BCL7A: variants seen among roughly 807,000 people sequenced by gnomAD.
The protein encoded by BCL7A is BAF chromatin remodeling complex subunit BCL7A, also known as B-cell CLL/lymphoma 7 protein family member A.
Under a neutral mutation model 28.4 loss-of-function variants are expected in BCL7A, and 11 were observed. The ratio of observed to expected loss-of-function variants is 0.39; its 90% CI spans 0.24 to 0.64. BCL7A has a LOEUF of 0.64. BCL7A is among the 30% of genes least tolerant of loss of function. The pLI, the probability that BCL7A is intolerant of heterozygous loss-of-function variation, is 0.50. For missense variants in BCL7A, 222 were observed against 274.8 expected (o/e 0.81, Z 1.36); for synonymous variants, 123 against 103.3 (o/e 1.19, Z -1.15).
chr12:122,037,816 G>A (rs1365065884), intron 3 of BCL7A, among the ~76,000 whole-genome samples: 4 of 152,202 alleles, frequency 2.6e-5, no homozygotes, highest in South Asian at 2.1e-4. Flanking sequence ...AGGCGTGGGG[G>A]CGCGTGCCTG....
intron 4 of BCL7A, among the ~76,000 whole-genome samples, chr12:122,045,526 A>G (rs1884057103): frequency 6.6e-6 from 1 of 152,080 alleles, no homozygotes; most frequent in Non-Finnish European, 1.5e-5. Flanking sequence ...GATCTGAAGG[A>G]TTAAGAACAG....
chr12:122,045,838 C>T (rs935621899), intron 4 of BCL7A, among the ~76,000 whole-genome samples: 2 of 151,880 alleles, frequency 1.3e-5, no homozygotes, highest in East Asian at 3.9e-4. Flanking sequence ...CTTATAATCT[C>T]AGCACTTTGG....
intron 1 of BCL7A, among the ~76,000 whole-genome samples, chr12:122,023,858 A>G (rs1287619532): frequency 2.0e-5 from 3 of 152,298 alleles, no homozygotes; most frequent in Admixed American, 6.5e-5. Flanking sequence ...CTGTGCAAAG[A>G]AAGAACTGGT....
chr12:122,037,082 T>C (rs1883871487), intron 3 of BCL7A, among the ~76,000 whole-genome samples: 1 of 152,190 alleles, frequency 6.6e-6, no homozygotes, highest in African/African-American at 2.4e-5. Context: ...CCTTGAGAAA[T>C]CAGATCTGGC....
rs756484707 is a variant in BCL7A, at chr12:122,022,110, C to A, written c.19C>A (p.Arg7=). The A allele has an allele frequency of 1.0e-4, 163 of 1,571,058 alleles. 1 individual carries two copies. Among genetic ancestry groups the A allele is most frequent in the South Asian group, 1.6e-4 (14 of 88,242 alleles). The change falls in exon 1 of 6, where the codon CGA becomes AGA. Residue 7 remains arginine (R), a synonymous_variant. Coordinates refer to ENST00000261822, the MANE Select transcript of BCL7A (RefSeq NM_001024808.3). MSGRSV[R]AETRSRAKDD... is the part of the protein sequence containing the mutation. ...CGGAACCATGTCGGGCAGGTCGGTT[C>A]GAGCCGAGACGAGGAGCCGGGCCAA...
In BCL7A at chr12:122,029,389, A is replaced by G. The variant is rs1883694997; in HGVS notation, c.93-1311A>G. Reference sequence around the variant, plus strand: ...CGTGGTGACAGGGTGGGAGTCCTGTAACCTGTCACACCAGCATGTGAGGGC... The same window carrying G: ...CGTGGTGACAGGGTGGGAGTCCTGTGACCTGTCACACCAGCATGTGAGGGC... On this transcript the variant is annotated intron_variant, in intron 1 of 5. Coordinates refer to ENST00000261822, the MANE Select transcript of BCL7A (RefSeq NM_001024808.3). This position sits in a 1 kb window ranked among gnomAD's most constrained non-coding sequence, Gnocchi z 4.3. Among the ~76,000 whole-genome samples the G allele has an allele frequency of 6.6e-6, 1 of 152,088 alleles. No individual in the cohort carries two copies. The highest frequency in any genetic ancestry group is 2.4e-5 in the African/African-American group (1 of 41,396).
At chr12:122,033,551 A>G (rs2135844536) in intron 2 of BCL7A, among the ~76,000 whole-genome samples, 1 of 152,034 alleles carries the variant, frequency 6.6e-6, no homozygotes, top group South Asian at 2.1e-4. Context: ...TGACATCATG[A>G]TCCGCCCGCC....
intron 4 of BCL7A, among the ~76,000 whole-genome samples, chr12:122,047,899 C>CA (rs1555223759): frequency 9.9e-6 from 1 of 101,002 alleles, no homozygotes; most frequent in African/African-American, 4.0e-5. Flanking sequence ...CTGGAGAAGG[C>CA]TTTTTTTTTT....
chr12:122,022,723 T>C (rs1883495134), intron 1 of BCL7A, among the ~76,000 whole-genome samples: 1 of 148,828 alleles, frequency 6.7e-6, no homozygotes, highest in Non-Finnish European at 1.5e-5. Context: ...CGCTCCCGCC[T>C]CCCGGGCCCG....
chr12:122,028,116 G>A (rs1401877095), intron 1 of BCL7A, among the ~76,000 whole-genome samples: 1 of 152,200 alleles, frequency 6.6e-6, no homozygotes, highest in East Asian at 1.9e-4. Context: ...CATAGGTCCA[G>A]CTCAGAGGTA....
At chr12:122,024,517 T>C (rs563964497) in intron 1 of BCL7A, among the ~76,000 whole-genome samples, 1 of 151,284 alleles carries the variant, frequency 6.6e-6, no homozygotes, top group East Asian at 1.9e-4. Flanking sequence ...ATTGCCCAGG[T>C]TTCTCTGGCC....
chr12:122,052,202 A>T (rs980887331), intron 4 of BCL7A, among the ~76,000 whole-genome samples: 1 of 152,032 alleles, frequency 6.6e-6, no homozygotes, highest in Non-Finnish European at 1.5e-5. Context: ...TTTAAAAAAA[A>T]AAAATAAATA....
chr12:122,044,983 G>A (rs560567515), intron 4 of BCL7A, among the ~76,000 whole-genome samples: 159 of 152,158 alleles, frequency 1.0e-3, no homozygotes, highest in Non-Finnish European at 1.9e-3. Flanking sequence ...TGGTCGGGGC[G>A]GCCTTTGAAT....
chr12:122,049,033 A>AG (rs1410918154), intron 4 of BCL7A, among the ~76,000 whole-genome samples: 1 of 58,658 alleles, frequency 1.7e-5, no homozygotes, highest in Non-Finnish European at 3.4e-5. Flanking sequence ...AAAAAAAAAA[A>AG]AAATATATAT....
At chr12:122,042,042 C>T (rs1883973577) in intron 3 of BCL7A, among the ~76,000 whole-genome samples, 1 of 152,216 alleles carries the variant, frequency 6.6e-6, no homozygotes. Flanking sequence ...CGCCACCGCA[C>T]TCCAGCCTGG....
At chr12:122,025,915 C>T (rs2135838301) in intron 1 of BCL7A, among the ~76,000 whole-genome samples, 1 of 143,088 alleles carries the variant, frequency 7.0e-6, no homozygotes, top group Middle Eastern at 3.7e-3. Flanking sequence ...CCACTGCACT[C>T]CAGCCTGAGC....
chr12:122,025,415 G>A (rs571439783), intron 1 of BCL7A, among the ~76,000 whole-genome samples: 2 of 151,648 alleles, frequency 1.3e-5, no homozygotes, highest in Non-Finnish European at 2.9e-5. Flanking sequence ...ACGAGGTCAG[G>A]AGATCAAGAC....
In BCL7A at chr12:122,059,766, T is replaced by A. The variant is rs1464807419; in HGVS notation, c.*603T>A. 8.6e-6 allele frequency: 2 copies of A among 231,766 alleles called. No individual in the cohort carries two copies. Among genetic ancestry groups the A allele is most frequent in the Non-Finnish European group, 1.7e-5 (2 of 117,300 alleles). 14.4% of individuals were successfully genotyped at this position (231,766 alleles called of 1,614,324 possible). A position where few individuals can be genotyped will look rare whatever the true frequency, so the allele number is the denominator to read the frequency against. On this transcript the variant is annotated 3_prime_UTR_variant, in exon 6 of 6. Transcript: ENST00000261822. The surrounding 1 kb of genome is among the most constrained non-coding windows in gnomAD (Gnocchi z 4.0). Reference sequence around the variant, plus strand: ...AAGGAGCTCCTTAGCCCACCTGGTTTGCAGGTGCAGGGGGACCTTAGGCAC... The same window carrying A: ...AAGGAGCTCCTTAGCCCACCTGGTTAGCAGGTGCAGGGGGACCTTAGGCAC...
chr12:122,023,020 C>G (rs1883507112), intron 1 of BCL7A, among the ~76,000 whole-genome samples: 1 of 152,246 alleles, frequency 6.6e-6, no homozygotes, highest in South Asian at 2.1e-4. Flanking sequence ...TGTTTTTGTT[C>G]TCTGCACCGG....
Sources: gnomAD v4.1 joint callset for allele counts (sites outside exome capture counted in the v4.1 genomes callset) on GRCh38, gnomAD v4.1.1 for gene constraint, Gnocchi (gnomAD v3.1) non-coding constraint, MANE v1.5 for transcripts, NCBI Gene and HGNC (gene_info 2026-07-23, HGNC 2026-07-21) for gene names.